Variants in ARPC4 observed in about 807,000 individuals in gnomAD.
ARPC4 encodes actin-related protein 2/3 complex subunit 4.
A neutral mutation model predicts 22.8 loss-of-function variants in ARPC4; 3 were observed. The ratio of observed to expected loss-of-function variants is 0.13; its 90% confidence interval spans 0.06 to 0.34. ARPC4 has a LOEUF of 0.34. ARPC4 is among the 10% of genes least tolerant of loss of function. ARPC4 has a pLI of 1.00. For missense variants in ARPC4, 98 were observed against 211.0 expected, an observed-to-expected ratio of 0.46 and a Z score of 3.32; for synonymous variants, 80 against 72.5, an observed-to-expected ratio of 1.10 and a Z score of -0.52.
At chr3:9,797,896 G>A in intron 2 of ARPC4, 119 bp downstream of exon 2, 1 of 1,081,112 alleles carries the variant, frequency 9.2e-7, no homozygotes, top group South Asian at 1.6e-5. Flanking sequence ...TTGACATTTT[G>A]TCTTGCTGCC....
chr3:9,804,226 G>T (rs1007999805), intron 5 of ARPC4: 2 of 491,562 alleles, frequency 4.1e-6, no homozygotes, highest in Non-Finnish European at 7.2e-6. Flanking sequence ...CTATATTTGG[G>T]TGTCTGGGGT....
At chr3:9,803,338 C>T (rs1390661796) in intron 4 of ARPC4, among the ~76,000 whole-genome samples, 2 of 152,218 alleles carry the variant, frequency 1.3e-5, no homozygotes, top group Non-Finnish European at 2.9e-5. Flanking sequence ...TCATCAGACA[C>T]GTCAGGCGTG....
At chr3:9,799,283 T>G (rs1245206918) in intron 2 of ARPC4, among the ~76,000 whole-genome samples, 1 of 152,218 alleles carries the variant, frequency 6.6e-6, no homozygotes, top group Non-Finnish European at 1.5e-5. Flanking sequence ...GGTTTGCCTG[T>G]ACAGGTTGAG....
intron 5 of ARPC4, 130 bp downstream of exon 5, chr3:9,804,143 G>A (rs896140079): frequency 6.9e-6 from 7 of 1,011,188 alleles, no homozygotes; most frequent in South Asian, 3.6e-5. Context: ...GGACCCCTGG[G>A]GCACAGCAGG....
upstream of ARPC4, chr3:9,792,758 C>T (rs1187635577): frequency 2.4e-6 from 3 of 1,245,458 alleles, no homozygotes; most frequent in South Asian, 3.3e-5. Context: ...AAACGAAGGG[C>T]TCGTCCGCTT....
At position 9,806,516 on chromosome 3, in the gene ARPC4, CTTTTTTTTTTT is replaced by C; in HGVS notation, c.*312_*322del. ...TTGTAGGATACTGTAACCTTTTTGT[CTTTTTTTTTTT>C]TTTTTTTTTTAAACCTCCACCTCCA... On this transcript the variant is annotated 3_prime_UTR_variant, in exon 6 of 6. Transcript: ENST00000397261. The C allele has an allele frequency of 4.3e-6, 1 of 232,150 alleles. No individual in the cohort carries two copies. Among genetic ancestry groups the C allele is most frequent in the South Asian group, 5.0e-5 (1 of 20,042 alleles). 14.4% of individuals were successfully genotyped at this position (232,150 alleles called of 1,614,324 possible).
chr3:9,796,917 G>T (rs1197131979), intron 1 of ARPC4, among the ~76,000 whole-genome samples: 1 of 138,636 alleles, frequency 7.2e-6, no homozygotes, highest in Non-Finnish European at 1.5e-5. Context: ...CTCCAGCCTG[G>T]GCAACAGAGC....
Position 9,806,659 on chromosome 3 carries a change from G to A in ARPC4, c.*444G>A, listed in dbSNP as rs2079111977. 1 of 181,412 alleles carries A rather than the reference G, an allele frequency of 5.5e-6. No individual in the cohort carries two copies. The highest frequency in any genetic ancestry group is 1.1e-4 in the South Asian group (1 of 8,760). 11.2% of individuals were successfully genotyped at this position (181,412 alleles called of 1,614,324 possible). On this transcript the variant is annotated 3_prime_UTR_variant, in exon 6 of 6. Transcript: ENST00000397261. ...TTTTCTCTCCTATGCCACCCCAGGT[G>A]GGGAGGGAGGGAGGTTTCAGACTCC...
intron 3 of ARPC4, among the ~76,000 whole-genome samples, chr3:9,801,093 C>A (rs935148249): frequency 2.6e-5 from 4 of 151,768 alleles, no homozygotes; most frequent in African/African-American, 7.3e-5. Context: ...CGCCTGTAAT[C>A]CCAGCTACTT....
chr3:9,797,494 C>T (rs1053495426), intron 1 of ARPC4, among the ~76,000 whole-genome samples, 165 bp from the exon 2 acceptor site: 4 of 152,238 alleles, frequency 2.6e-5, no homozygotes, highest in African/African-American at 9.6e-5. Flanking sequence ...TACCACTCTA[C>T]ACCTTGGAAG....
At chr3:9,793,251 A>T in intron 1 of ARPC4, 127 bp downstream of exon 1, 28 of 1,351,910 alleles carry the variant, frequency 2.1e-5, no homozygotes, top group Admixed American at 2.8e-5. Flanking sequence ...TGGGGACACG[A>T]TGAGGGTGGG....
intron 1 of ARPC4, among the ~76,000 whole-genome samples, chr3:9,794,683 A>T (rs1396758910): frequency 7.1e-6 from 1 of 141,632 alleles, no homozygotes; most frequent in Non-Finnish European, 1.5e-5. Context: ...CCCGTGTCTT[A>T]AAAAAAAAAA....
intron 2 of ARPC4, chr3:9,799,738 C>T: frequency 2.4e-6 from 1 of 414,994 alleles, no homozygotes; most frequent in Non-Finnish European, 4.8e-6. Flanking sequence ...CCACTGTGCC[C>T]AGCCAGTTTC....
intron 1 of ARPC4, among the ~76,000 whole-genome samples, chr3:9,796,777 TA>T (rs1169549608): frequency 5.3e-5 from 8 of 151,590 alleles, no homozygotes; most frequent in Non-Finnish European, 1.0e-4. Context: ...CTGTCTCTAC[TA>T]AAAATACAAA....
upstream of ARPC4, chr3:9,792,638 G>A (rs1325368044): frequency 8.1e-7 from 1 of 1,230,750 alleles, no homozygotes; most frequent in Non-Finnish European, 1.0e-6. Flanking sequence ...AGCCCGGGGC[G>A]GGAGGCGGAG....
chr3:9,796,713 G>C (rs1050515738), intron 1 of ARPC4, among the ~76,000 whole-genome samples: 1 of 152,020 alleles, frequency 6.6e-6, no homozygotes, highest in East Asian at 1.9e-4. Context: ...AGGCCAAGGC[G>C]GGCAGATTAC....
intron 4 of ARPC4, among the ~76,000 whole-genome samples, chr3:9,803,028 T>C (rs1197975789): frequency 1.3e-5 from 2 of 151,676 alleles, no homozygotes; most frequent in Non-Finnish European, 2.9e-5. Flanking sequence ...GGACTACAGG[T>C]GCCCGCCACC....
intron 1 of ARPC4, among the ~76,000 whole-genome samples, chr3:9,796,279 A>G (rs1273045435): frequency 5.9e-5 from 9 of 152,232 alleles, no homozygotes; most frequent in African/African-American, 1.9e-4. Flanking sequence ...CTGTAATCCC[A>G]GCTACTCGGG....
At chr3:9,793,066 C>T, upstream of ARPC4, 1 of 1,545,060 alleles carries the variant, frequency 6.5e-7, no homozygotes, top group Non-Finnish European at 8.7e-7. Flanking sequence ...AAAGGGCAGG[C>T]ATCGCGGGGC....
Sources: gnomAD v4.1 joint callset for allele counts (sites outside exome capture counted in the v4.1 genomes callset) on GRCh38, gnomAD v4.1.1 for gene constraint, MANE v1.5 for transcripts, NCBI Gene and HGNC (gene_info 2026-07-23, HGNC 2026-07-21) for gene names.